The following COBL variants were observed in gnomAD, a reference collection of about 807,000 sequenced individuals.
COBL encodes the protein protein cordon-bleu.
Under a neutral mutation model 98.8 loss-of-function variants are expected in COBL, and 51 were observed. The observed-to-expected ratio is 0.52, with a 90% CI of 0.41 to 0.65. The LOEUF is 0.65. Among genes scored for constraint, COBL ranks in the 30% least tolerant of loss-of-function variants. The pLI is 0.00. For synonymous variants in COBL, 634 were observed against 651.7 expected (o/e 0.97, Z 0.41); for missense variants, 1,617 against 1,617.5 (o/e 1.00, Z 0.01).
chr7:51,174,519 G>A (rs1788178454), intron 5 of COBL, among the ~76,000 whole-genome samples: 1 of 152,190 alleles, frequency 6.6e-6, no homozygotes. Flanking sequence ...ATAAGAGGCA[G>A]TGAAATGCAC....
rs78905400 is a variant in COBL at position 51,261,732 on chromosome 7, C to T, written c.42-41788G>A. On this transcript the variant is annotated intron_variant, in intron 1 of 12. Transcript: ENST00000265136. ...CTGTAGTCCCAGCACTTTGAGAGGC[C>T]GAAGTAGGCGGATCACCTGAGGTCA... 2.6e-4 allele frequency among the ~76,000 whole-genome samples: 40 copies of T among 152,196 alleles called. No homozygotes were observed. The East Asian group carries it at 3.3e-3, about 13-fold the overall frequency.
chr7:51,046,238 G>A (rs1262190884), intron 7 of COBL, among the ~76,000 whole-genome samples: 2 of 152,160 alleles, frequency 1.3e-5, no homozygotes, highest in Non-Finnish European at 2.9e-5. Context: ...CAGTGATGCC[G>A]GCACCTGCTC....
chr7:51,136,058 C>A, intron 6 of COBL, 100 bp downstream of exon 6: 1 of 1,439,116 alleles, frequency 6.9e-7, no homozygotes, highest in Non-Finnish European at 9.4e-7. Flanking sequence ...GTCGCTACAG[C>A]CACAAACATG....
At chr7:51,077,001 C>CA (rs1793145097) in intron 7 of COBL, among the ~76,000 whole-genome samples, 1 of 152,124 alleles carries the variant, frequency 6.6e-6, no homozygotes, top group Non-Finnish European at 1.5e-5. Context: ...ATCAGCACTG[C>CA]AAATCTTGTA....
intron 1 of COBL, among the ~76,000 whole-genome samples, chr7:51,236,102 A>G (rs534956449): frequency 6.6e-6 from 1 of 152,280 alleles, no homozygotes; most frequent in South Asian, 2.1e-4. Context: ...AACGCTGACC[A>G]ACACTCAAAT....
At chr7:51,200,830 T>C (rs1048056909) in intron 2 of COBL, among the ~76,000 whole-genome samples, 1 of 152,050 alleles carries the variant, frequency 6.6e-6, no homozygotes, top group East Asian at 1.9e-4. Flanking sequence ...AGAAATACCG[T>C]AGATGAACAA....
intron 5 of COBL, among the ~76,000 whole-genome samples, chr7:51,182,869 AG>A (rs1789122393): frequency 6.6e-6 from 1 of 152,168 alleles, no homozygotes; most frequent in Non-Finnish European, 1.5e-5. Context: ...GGTGAATCTG[AG>A]GTTTGTGAAA....
At position 51,028,348 on chromosome 7, in the gene COBL, G is replaced by C; in HGVS notation, c.2748C>G (p.Ser916=). The change falls in exon 10 of 13, where the codon TCC becomes TCG. Residue 916 remains serine, a synonymous_variant. Coordinates refer to ENST00000265136, the MANE Select transcript of COBL (RefSeq NM_015198.5). ...PPVTVKDDRT[S]SPHSETQGWK... ...ATCCTTGTGTCTCTGAGTGTGGGCT[G>C]GATGTCCTGTCATCTTTCACAGTGA... The C allele has an allele frequency of 6.2e-7, 1 of 1,614,248 alleles. No individual in the cohort carries two copies. The highest frequency in any genetic ancestry group is 8.5e-7 in the Non-Finnish European group (1 of 1,180,040).
intron 5 of COBL, among the ~76,000 whole-genome samples, chr7:51,171,963 T>A (rs1340413657): frequency 6.6e-6 from 1 of 152,246 alleles, no homozygotes; most frequent in Non-Finnish European, 1.5e-5. Context: ...AATGTCAATA[T>A]TTATAAGATG....
rs150541791 is a variant in COBL, at chr7:51,028,056, G to C, written c.3040C>G (p.Arg1014Gly). The change falls in exon 10 of 13, where the codon CGC becomes GGC. Residue 1014 changes from arginine (R) to glycine (G), a missense_variant. Around this residue, in one of 3 missense-constraint regions of COBL, gnomAD observed 1,304 missense variants for 1,282.0 expected, o/e 1.02. Transcript: ENST00000265136. ...QEASSASEPR[R>G]APDGTDPPPP... is the part of the protein sequence containing the mutation. Reference sequence around the variant, plus strand: ...GGTGGGTCTGTACCATCAGGTGCGCGTCTGGGCTCAGATGCTGAGCTGGCC... The same window carrying C: ...GGTGGGTCTGTACCATCAGGTGCGCCTCTGGGCTCAGATGCTGAGCTGGCC... 1 of 1,611,774 alleles carries C rather than the reference G, an allele frequency of 6.2e-7. No homozygotes were observed. The highest frequency in any genetic ancestry group is 8.5e-7 in the Non-Finnish European group (1 of 1,178,920).
chr7:51,240,342 A>C (rs1584277776), intron 1 of COBL, among the ~76,000 whole-genome samples: 1 of 152,214 alleles, frequency 6.6e-6, no homozygotes, highest in East Asian at 1.9e-4. Context: ...TGAAGGAAAG[A>C]GGACATTCTA....
rs1415949758 is a variant in COBL at position 51,177,266 on chromosome 7, G to T, written c.783+6836C>A. 2.0e-5 allele frequency among the ~76,000 whole-genome samples: 3 copies of T among 152,094 alleles called. No individual in the cohort carries two copies. The East Asian group carries it at 5.8e-4, about 29-fold the overall frequency. On this transcript the variant is annotated intron_variant, in intron 5 of 12. Coordinates refer to ENST00000265136, the MANE Select transcript of COBL (RefSeq NM_015198.5). ...CTCCTGAAAATGCTGGGAGGGGTTG[G>T]TTCTCCAGGCATTGCTTTCATAACT... is the stretch of plus-strand genomic sequence containing the variant.
intron 7 of COBL, among the ~76,000 whole-genome samples, chr7:51,051,400 G>C (rs1387300590): frequency 6.6e-6 from 1 of 152,110 alleles, no homozygotes; most frequent in African/African-American, 2.4e-5. Context: ...ATGCTTATTT[G>C]TTTTTCAATA....
intron 1 of COBL, among the ~76,000 whole-genome samples, chr7:51,272,740 C>G (rs1429035106): frequency 6.6e-6 from 1 of 152,150 alleles, no homozygotes; most frequent in Non-Finnish European, 1.5e-5. Context: ...TGATGTTTTT[C>G]TGGCATTTCC....
chr7:51,309,383 G>A (rs1802806347), intron 1 of COBL, among the ~76,000 whole-genome samples: 2 of 152,136 alleles, frequency 1.3e-5, no homozygotes, highest in South Asian at 2.1e-4. Flanking sequence ...CACCAGCCCA[G>A]GACTCCCGAG....
chr7:51,291,710 G>C (rs371603336), intron 1 of COBL, among the ~76,000 whole-genome samples: 1 of 151,394 alleles, frequency 6.6e-6, no homozygotes, highest in Admixed American at 6.6e-5. Context: ...GCAGTGAGCC[G>C]AGACCACGCC....
intron 1 of COBL, among the ~76,000 whole-genome samples, chr7:51,268,969 A>G (rs1383191749): frequency 6.6e-6 from 1 of 151,328 alleles, no homozygotes; most frequent in African/African-American, 2.4e-5. Flanking sequence ...GGCTTCCCAG[A>G]AGACACAGCT....
At chr7:51,224,333 C>T (rs1018928523) in intron 1 of COBL, among the ~76,000 whole-genome samples, 1 of 151,930 alleles carries the variant, frequency 6.6e-6, no homozygotes, top group Admixed American at 6.6e-5. Context: ...ACAAGAAACA[C>T]TGCGTACTTA....
At chr7:51,316,035 G>A (rs1169551637) in intron 1 of COBL, among the ~76,000 whole-genome samples, 2 of 152,188 alleles carry the variant, frequency 1.3e-5, no homozygotes, top group African/African-American at 4.8e-5. Flanking sequence ...GAAACCCTCC[G>A]GGCAATCCGA....
Sources: gnomAD v4.1 joint callset for allele counts (sites outside exome capture counted in the v4.1 genomes callset) on GRCh38, gnomAD v4.1.1 for gene constraint, gnomAD v4.1.1 regional missense constraint, MANE v1.5 for transcripts, NCBI Gene and HGNC (gene_info 2026-07-23, HGNC 2026-07-21) for gene names.